Variants in PRRC1 observed in about 807,000 individuals in gnomAD.
PRRC1 encodes protein PRRC1.
A neutral mutation model predicts 40.7 loss-of-function variants in PRRC1; 39 were observed. The ratio of observed to expected loss-of-function variants is 0.96; its 90% CI spans 0.74 to 1.25. The LOEUF (loss-of-function observed/expected upper bound fraction) is 1.25, where lower values mean the gene tolerates loss of function less well. Ranked by LOEUF, PRRC1 falls within the 50% of genes most tolerant of loss-of-function variation. The pLI is 0.00. For missense variants in PRRC1, 573 were observed against 548.3 expected, an observed-to-expected ratio of 1.05 and a Z score of -0.45; for synonymous variants, 175 against 193.3, an observed-to-expected ratio of 0.91 and a Z score of 0.79.
chr5:127,539,980 C>T (rs1291940936), intron 7 of PRRC1, among the ~76,000 whole-genome samples: 1 of 151,872 alleles, frequency 6.6e-6, no homozygotes, highest in Admixed American at 6.6e-5. Context: ...AGGGCTTGAA[C>T]TGGATTTTGA....
In PRRC1 at chr5:127,551,782, A is replaced by G. The variant is rs774001218; in HGVS notation, c.1204A>G (p.Lys402Glu). 2 of 1,614,118 alleles carry G rather than the reference A, an allele frequency of 1.2e-6. No homozygotes were observed. The highest frequency in any genetic ancestry group is 1.7e-6 in the Non-Finnish European group (2 of 1,179,990). ...LLVTVGEVLE[K>E]SLLNVSRTDW... is the part of the protein sequence containing the mutation. ...GGTGACAGTGGGTGAAGTCCTGGAA[A>G]AGAGTTTACTGAATGTCAGCCGGAC... The change falls in exon 9 of 9, where the codon AAG becomes GAG. Residue 402 changes from lysine to glutamate, a missense_variant. Coordinates refer to ENST00000296666, the MANE Select transcript of PRRC1 (RefSeq NM_130809.5).
chr5:127,548,197 C>T, intron 8 of PRRC1: 1 of 528,382 alleles, frequency 1.9e-6, no homozygotes, highest in Non-Finnish European at 3.3e-6. Flanking sequence ...ACTCTGAGTT[C>T]TGGAAAAGAT....
intron 2 of PRRC1, 49 bp downstream of exon 2, chr5:127,523,631 A>G (rs1767525507): frequency 8.9e-7 from 1 of 1,127,980 alleles, no homozygotes. Context: ...TAGTGAAGAT[A>G]CTATCATCTT....
Position 127,533,708 on chromosome 5 carries a change from T to C in PRRC1, c.843T>C (p.Phe281=), listed in dbSNP as rs1270755883. The change falls in exon 6 of 9, where the codon TTT becomes TTC. Residue 281 remains phenylalanine, a synonymous_variant. Transcript: ENST00000296666. ...AAVRDAFQEV[F]GLAVVVGEAG... is the part of the protein sequence containing the mutation. The stretch of plus-strand genomic sequence containing the variant: ...TCCGAGATGCCTTCCAGGAGGTCTT[T>C]GGCTTAGCTGTGGTTGTAGGGGAAG... 1 of 1,614,046 alleles carries C rather than the reference T, an allele frequency of 6.2e-7. No individual in the cohort carries two copies. Among genetic ancestry groups the C allele is most frequent in the African/African-American group, 1.3e-5 (1 of 74,924 alleles).
intron 1 of PRRC1, among the ~76,000 whole-genome samples, chr5:127,521,107 T>C (rs1214690479): frequency 6.6e-6 from 1 of 152,218 alleles, no homozygotes; most frequent in Admixed American, 6.5e-5. Flanking sequence ...TGAGATCCTC[T>C]CCAAAGAACC....
chr5:127,540,043 G>A (rs1452173743), intron 7 of PRRC1, among the ~76,000 whole-genome samples: 1 of 152,042 alleles, frequency 6.6e-6, no homozygotes, highest in African/African-American at 2.4e-5. Context: ...TGTTCTGGGT[G>A]GAGAAAAAGT....
At chr5:127,546,235 G>A (rs1768216609) in intron 7 of PRRC1, among the ~76,000 whole-genome samples, 1 of 152,068 alleles carries the variant, frequency 6.6e-6, no homozygotes, top group Admixed American at 6.6e-5. Flanking sequence ...CTCTTACATA[G>A]AGTTCTTACC....
At position 127,554,030 on chromosome 5, in the gene PRRC1, A is replaced by G; in HGVS notation, c.*2114A>G. The G allele has an allele frequency of 3.4e-6, 3 of 872,114 alleles. No homozygotes were observed. The highest frequency in any genetic ancestry group is 6.3e-5 in the Admixed American group (2 of 31,882). The allele number at this position is 872,114 out of a possible 1,614,324, so 54.0% of individuals were successfully genotyped here. A position where few individuals can be genotyped will look rare whatever the true frequency, so the allele number is the denominator to read the frequency against. On this transcript the variant is annotated 3_prime_UTR_variant, in exon 9 of 9. Coordinates refer to ENST00000296666, the MANE Select transcript of PRRC1 (RefSeq NM_130809.5). ...AGCAGCGGAGCATGACTGACTTCACATGCTCAGCTTTCTCAGCCTTTTGTT... is the reference window on the plus strand; with the variant it reads ...AGCAGCGGAGCATGACTGACTTCACGTGCTCAGCTTTCTCAGCCTTTTGTT...
At chr5:127,523,797 G>T in intron 2 of PRRC1, 1 of 392,612 alleles carries the variant, frequency 2.5e-6, no homozygotes, top group Non-Finnish European at 4.5e-6. Flanking sequence ...GTGGACTTTT[G>T]TTCTTTATGT....
intron 8 of PRRC1, chr5:127,549,546 A>AT (rs1399872401): frequency 6.6e-6 from 1 of 152,238 alleles, no homozygotes; most frequent in Non-Finnish European, 1.5e-5. Flanking sequence ...AGCTCTTAGT[A>AT]TTAGACGGGT....
At chr5:127,546,332 A>G (rs529776822) in intron 7 of PRRC1, among the ~76,000 whole-genome samples, 8 of 152,318 alleles carry the variant, frequency 5.3e-5, no homozygotes, top group African/African-American at 1.7e-4. Flanking sequence ...TCTTGACTAT[A>G]TGAACCATAG....
chr5:127,521,668 G>GT (rs1767464013), intron 1 of PRRC1, among the ~76,000 whole-genome samples: 1 of 152,170 alleles, frequency 6.6e-6, no homozygotes, highest in Non-Finnish European at 1.5e-5. Flanking sequence ...AAAAACCCAA[G>GT]TTTTTTAACC....
Position 127,553,941 on chromosome 5 carries a change from A to C in PRRC1, c.*2025A>C, listed in dbSNP as rs747645976. On this transcript the variant is annotated 3_prime_UTR_variant, in exon 9 of 9. Transcript: ENST00000296666. ...AGGAAGATGAGAGATGGTCAGATGG[A>C]AGAGAGAAATACATGAACTGCTCTG... The C allele has an allele frequency of 6.5e-7, 1 of 1,532,088 alleles. No homozygotes were observed. The highest frequency in any genetic ancestry group is 1.2e-5 in the South Asian group (1 of 83,818). The allele number at this position is 1,532,088 out of a possible 1,614,324, so 94.9% of individuals were successfully genotyped here.
chr5:127,539,839 A>G (rs1473255147), intron 7 of PRRC1, among the ~76,000 whole-genome samples: 1 of 152,142 alleles, frequency 6.6e-6, no homozygotes, highest in African/African-American at 2.4e-5. Context: ...AAGAAGATAT[A>G]TGTAGTACAC....
chr5:127,553,835 T>C lies in PRRC1; in HGVS notation c.*1919T>C. 6.5e-7 allele frequency: 1 copy of C among 1,535,842 alleles called. No homozygotes were observed. The highest frequency in any genetic ancestry group is 8.7e-7 in the Non-Finnish European group (1 of 1,146,690). ...TAGAATCCCCAAAGAGCAGTGGCAG[T>C]CCATGGCTTGGTTGAAGCTAGAAAT... On this transcript the variant is annotated 3_prime_UTR_variant, in exon 9 of 9. Coordinates refer to ENST00000296666, the MANE Select transcript of PRRC1 (RefSeq NM_130809.5).
chr5:127,526,827 T>G (rs761428652), intron 4 of PRRC1, 49 bp downstream of exon 4: 27 of 1,374,350 alleles, frequency 2.0e-5, no homozygotes, highest in Admixed American at 7.4e-5. Flanking sequence ...ATAAAACTAA[T>G]AGATATTCAT....
At chr5:127,537,146 G>C (rs983002853) in intron 6 of PRRC1, among the ~76,000 whole-genome samples, 6 of 151,342 alleles carry the variant, frequency 4.0e-5, no homozygotes, top group Non-Finnish European at 8.9e-5. Context: ...GTTTTATATA[G>C]TTTTATATTC....
At chr5:127,537,340 C>T (rs1481534585) in intron 6 of PRRC1, among the ~76,000 whole-genome samples, 1 of 151,768 alleles carries the variant, frequency 6.6e-6, no homozygotes, top group Middle Eastern at 3.2e-3. Flanking sequence ...AATAAAATCT[C>T]CTTCTCAAAA....
rs562624210 is a variant in PRRC1 at position 127,524,490 on chromosome 5, A to G, written c.104-41A>G. ...ACAGTTTGAAAACTAAATAAAAAAC[A>G]TTTCTAATTCTGTGCTTTTATCCTC... On this transcript the variant is annotated intron_variant, in intron 2 of 8. Coordinates refer to ENST00000296666, the MANE Select transcript of PRRC1 (RefSeq NM_130809.5). 5.2e-6 allele frequency: 8 copies of G among 1,527,354 alleles called. No individual in the cohort carries two copies. The East Asian group carries it at 1.6e-4, about 30-fold the overall frequency. The allele number at this position is 1,527,354 out of a possible 1,614,324, so 94.6% of individuals were successfully genotyped here.
Sources: allele counts gnomAD v4.1 joint callset (sites outside exome capture counted in the v4.1 genomes callset), GRCh38; gene constraint gnomAD v4.1.1; transcripts MANE v1.5; gene names NCBI Gene and HGNC (gene_info 2026-07-23, HGNC 2026-07-21).